TTC23L: variants seen among roughly 807,000 people sequenced by gnomAD.
TTC23L encodes tetratricopeptide repeat domain 23 like.
Under a neutral mutation model 48.1 loss-of-function variants are expected in TTC23L, and 42 were observed. That is an observed-to-expected ratio of 0.87 (90% CI 0.68 to 1.13). TTC23L has a LOEUF of 1.13. TTC23L is among the 50% of genes most tolerant of loss of function. The pLI is 0.00. For missense variants in TTC23L, 391 were observed against 421.0 expected (o/e 0.93, Z 0.62); for synonymous variants, 159 against 157.2 (o/e 1.01, Z -0.09).
chr5:34,893,861 G>A lies in TTC23L; in HGVS notation c.1078-2909G>A, dbSNP rs531401288. Among the ~76,000 whole-genome samples the A allele has an allele frequency of 4.6e-5, 7 of 152,246 alleles. No homozygotes were observed. The South Asian group carries it at 1.5e-3, about 32-fold the overall frequency. Reference sequence around the variant, plus strand: ...AGAGGCCAGTGTCATTGTTACGAAAGACACGAGGAGACACTTCAAAGAGGA... The same window carrying A: ...AGAGGCCAGTGTCATTGTTACGAAAAACACGAGGAGACACTTCAAAGAGGA... On this transcript the variant is annotated intron_variant, in intron 9 of 10. Coordinates refer to ENST00000505624, the Ensembl canonical transcript of TTC23L.
exon 3 of TTC23L, chr5:34,845,553 A>C: frequency 6.2e-7 from 1 of 1,613,938 alleles, no homozygotes; most frequent in Non-Finnish European, 8.5e-7. Context: ...GTGGGTGTGG[A>C]GAGAGTGAAG....
At chr5:34,880,518 C>T (rs989889360) in intron 9 of TTC23L, 6 of 528,096 alleles carry the variant, frequency 1.1e-5, no homozygotes, top group African/African-American at 1.9e-5. Context: ...CAACTCTGTC[C>T]GACAAGATTT....
chr5:34,915,154 G>A, the TTC23L span, among the ~76,000 whole-genome samples: 1 of 152,198 alleles, frequency 6.6e-6, no homozygotes, highest in Non-Finnish European at 1.5e-5. Flanking sequence ...TCCGTAAGAG[G>A]ACAATAACGT....
Position 34,839,501 on chromosome 5 carries a change from C to T in TTC23L, c.-8+242C>T, listed in dbSNP as rs556654866. 4 of 376,436 alleles carry T rather than the reference C, an allele frequency of 1.1e-5. No homozygotes were observed. In the South Asian group the frequency reaches 3.2e-4, roughly 31 times the overall value. 23.3% of individuals were successfully genotyped at this position (376,436 alleles called of 1,614,324 possible). ...AGAGGAGCGATTCGTCCTTGAGGGG[C>T]TCAGGGCCGTGCGGAACGTCATAGG... On this transcript the variant is annotated intron_variant, in intron 1 of 10. Coordinates refer to ENST00000505624, the Ensembl canonical transcript of TTC23L.
chr5:34,914,658 A>G, the TTC23L span: 4 of 1,596,206 alleles, frequency 2.5e-6, no homozygotes, highest in Non-Finnish European at 3.4e-6. Context: ...CATTTAGAGT[A>G]TCTATGGCAC....
chr5:34,840,777 T>A (rs181380898), intron 2 of TTC23L, 38 bp downstream of exon 2: 79 of 1,593,716 alleles, frequency 5.0e-5, no homozygotes, highest in Non-Finnish European at 6.5e-5. Flanking sequence ...AGGTACTTAC[T>A]GGGCTGAAAC....
exon 10 of TTC23L, chr5:34,896,808 T>C (rs1306489795): frequency 4.0e-6 from 3 of 756,680 alleles, no homozygotes; most frequent in South Asian, 2.8e-5. Flanking sequence ...AGAGAAGCCA[T>C]TCCTGGAAGA....
the TTC23L span, among the ~76,000 whole-genome samples, chr5:34,910,574 C>T: frequency 1.1e-4 from 16 of 152,016 alleles, no homozygotes; most frequent in South Asian, 2.1e-3. Context: ...ATTATAGGCA[C>T]GTGCCACCAC....
chr5:34,848,180 G>A (rs543622039), intron 3 of TTC23L, among the ~76,000 whole-genome samples: 37 of 152,114 alleles, frequency 2.4e-4, no homozygotes, highest in Non-Finnish European at 4.9e-4. Context: ...GTTCCTTGAA[G>A]TGCTATTTTC....
the TTC23L span, chr5:34,918,522 C>T: frequency 1.9e-6 from 2 of 1,079,828 alleles, no homozygotes; most frequent in South Asian, 1.7e-5. Flanking sequence ...ATAAACTTAC[C>T]TATTTTTATG....
At chr5:34,910,795 T>C in the TTC23L span, among the ~76,000 whole-genome samples, 1 of 152,244 alleles carries the variant, frequency 6.6e-6, no homozygotes, top group Admixed American at 6.5e-5. Context: ...TCCATATGTA[T>C]TTAGGGGCTT....
chr5:34,891,883 G>A (rs148300463), intron 9 of TTC23L, among the ~76,000 whole-genome samples: 4 of 152,170 alleles, frequency 2.6e-5, no homozygotes, highest in African/African-American at 9.7e-5. Context: ...ACCTTAGGTG[G>A]TATGAGTTTC....
chr5:34,846,659 A>ATGTGTGTG (rs533382588), intron 3 of TTC23L, among the ~76,000 whole-genome samples: 11 of 69,182 alleles, frequency 1.6e-4, no homozygotes, highest in South Asian at 9.4e-4. Context: ...AAATACATAT[A>ATGTGTGTG]TGTGTGTATG....
At chr5:34,895,667 T>A (rs1028491899) in intron 9 of TTC23L, among the ~76,000 whole-genome samples, 3 of 152,114 alleles carry the variant, frequency 2.0e-5, no homozygotes. Flanking sequence ...CTCTTGGTCA[T>A]ATGAACAAAA....
chr5:34,857,335 A>G (rs1020945499), intron 4 of TTC23L, among the ~76,000 whole-genome samples: 1 of 152,212 alleles, frequency 6.6e-6, no homozygotes, highest in African/African-American at 2.4e-5. Context: ...TACTTTAGTC[A>G]GCCTATTATT....
At chr5:34,872,130 A>AAG (rs1761510868) in intron 8 of TTC23L, among the ~76,000 whole-genome samples, 2 of 151,270 alleles carry the variant, frequency 1.3e-5, no homozygotes, top group East Asian at 1.9e-4. Context: ...AAAAAAAAAA[A>AAG]AAGAAGAAGA....
chr5:34,899,870 C>T (rs1037809533), downstream of TTC23L, among the ~76,000 whole-genome samples: 1 of 151,604 alleles, frequency 6.6e-6, no homozygotes, highest in African/African-American at 2.4e-5. Flanking sequence ...AGCCTGGCGA[C>T]AGATAGAGAC....
At chr5:34,861,685 T>C (rs1274364769) in intron 4 of TTC23L, among the ~76,000 whole-genome samples, 1 of 152,162 alleles carries the variant, frequency 6.6e-6, no homozygotes, top group Non-Finnish European at 1.5e-5. Flanking sequence ...CTTATTGCCA[T>C]TGACTTGCAC....
chr5:34,886,642 A>G (rs1762562642), intron 9 of TTC23L, among the ~76,000 whole-genome samples: 2 of 152,072 alleles, frequency 1.3e-5, no homozygotes. Context: ...GTATATATGT[A>G]TTTTCCCTTC....
Sources: gnomAD v4.1 joint callset for allele counts (sites outside exome capture counted in the v4.1 genomes callset) on GRCh38, gnomAD v4.1.1 for gene constraint, MANE v1.5 for transcripts, NCBI Gene and HGNC (gene_info 2026-07-23, HGNC 2026-07-21) for gene names.